The following SORCS2 variants were observed in gnomAD, a reference collection of about 807,000 sequenced individuals.
The protein encoded by SORCS2 is sortilin related VPS10 domain containing receptor 2.
Under a neutral mutation model 141.6 loss-of-function variants are expected in SORCS2, and 100 were observed. The observed-to-expected ratio is 0.71, with a 90% confidence interval of 0.60 to 0.83. The LOEUF (loss-of-function observed/expected upper bound fraction) is 0.83. Among genes scored for constraint, SORCS2 ranks in the 40% least tolerant of loss-of-function variants. The probability of loss-of-function intolerance (pLI) is 0.00; values close to 1 mark genes in which losing one functional copy is unlikely to be tolerated. For missense variants in SORCS2, 1,646 were observed against 1,560.2 expected (o/e 1.05, Z -0.93); for synonymous variants, 789 against 676.9 (o/e 1.17, Z -2.57).
At chr4:7,384,810 C>T (rs1398267936) in intron 1 of SORCS2, among the ~76,000 whole-genome samples, 3 of 152,198 alleles carry the variant, frequency 2.0e-5, no homozygotes, top group Admixed American at 6.5e-5. Context: ...ACAGCAGGCA[C>T]GGGCACGTAG....
intron 2 of SORCS2, among the ~76,000 whole-genome samples, chr4:7,398,158 C>T (rs568102304): frequency 3.3e-5 from 5 of 151,202 alleles, no homozygotes; most frequent in South Asian, 4.2e-4. Context: ...AGTCCTTGTG[C>T]GGTGGGGGTG....
rs1727122643 is a variant in SORCS2, at chr4:7,725,142, G to A, written c.2612-12G>A. The stretch of plus-strand genomic sequence containing the variant: ...GATATCATCTAACCCTGGCCTTTTT[G>A]GGTCCCCACAGCCCCCCTGCAGGCC... On this transcript the variant is annotated splice_polypyrimidine_tract_variant and intron_variant, in intron 19 of 26. Transcript: ENST00000507866. 1.2e-6 allele frequency: 2 copies of A among 1,609,828 alleles called. No individual in the cohort carries two copies. Among genetic ancestry groups the A allele is most frequent in the Non-Finnish European group, 1.7e-6 (2 of 1,178,206 alleles).
intron 18 of SORCS2, among the ~76,000 whole-genome samples, chr4:7,719,832 G>T (rs1288267934): frequency 6.6e-6 from 1 of 152,220 alleles, no homozygotes; most frequent in Non-Finnish European, 1.5e-5. Context: ...ACCGCCCAGG[G>T]GGCCGGGACC....
chr4:7,450,840 ATGAG>A (rs1481972765), intron 2 of SORCS2, among the ~76,000 whole-genome samples: 1 of 152,118 alleles, frequency 6.6e-6, no homozygotes, highest in Non-Finnish European at 1.5e-5. Flanking sequence ...GAGTGAGTGA[ATGAG>A]TGAATGGATG....
At chr4:7,454,654 G>A (rs1392409066) in intron 2 of SORCS2, among the ~76,000 whole-genome samples, 1 of 128,676 alleles carries the variant, frequency 7.8e-6, no homozygotes, top group African/African-American at 3.0e-5. Context: ...CAGGCACTGT[G>A]TTGGGGTCAG....
intron 2 of SORCS2, among the ~76,000 whole-genome samples, chr4:7,526,226 C>T (rs182427301): frequency 4.6e-5 from 7 of 152,382 alleles, no homozygotes; most frequent in South Asian, 4.1e-4. Flanking sequence ...TGCAGAGCCC[C>T]ACACCTTCAG....
chr4:7,505,816 T>C (rs558048834), intron 2 of SORCS2, among the ~76,000 whole-genome samples: 2 of 152,290 alleles, frequency 1.3e-5, no homozygotes, highest in South Asian at 2.1e-4. Flanking sequence ...AGTTTTCCCG[T>C]AGGACGAATG....
chr4:7,309,704 G>C (rs1236279462), intron 1 of SORCS2, among the ~76,000 whole-genome samples: 1 of 152,194 alleles, frequency 6.6e-6, no homozygotes, highest in African/African-American at 2.4e-5. Context: ...TTTCCTCGAG[G>C]CTCTGGGCTA....
intron 1 of SORCS2, among the ~76,000 whole-genome samples, chr4:7,390,068 G>A (rs149939888): frequency 2.6e-5 from 4 of 152,280 alleles, no homozygotes; most frequent in Non-Finnish European, 5.9e-5. Context: ...CACTGTGAGG[G>A]GGAGGCCCAC....
At chr4:7,700,800 C>T (rs1301671094) in intron 12 of SORCS2, among the ~76,000 whole-genome samples, 3 of 152,190 alleles carry the variant, frequency 2.0e-5, no homozygotes, top group Non-Finnish European at 4.4e-5. Flanking sequence ...AATCCCCACT[C>T]CAGCCTGCGA....
At position 7,289,432 on chromosome 4, in the gene SORCS2, G is replaced by C. The variant is rs973709227; in HGVS notation, c.480+96306G>C. Among the ~76,000 whole-genome samples the C allele has an allele frequency of 4.6e-5, 7 of 152,216 alleles. No homozygotes were observed. In the South Asian group the frequency reaches 1.0e-3, roughly 23 times the overall value. ...CGGCTGTCATCCCCATTGTTTTGCAGAGCCTGCCACCCTGCCTAGCACTGA... is the reference window on the plus strand; with the variant it reads ...CGGCTGTCATCCCCATTGTTTTGCACAGCCTGCCACCCTGCCTAGCACTGA... On this transcript the variant is annotated intron_variant, in intron 1 of 26. Coordinates refer to ENST00000507866, the MANE Select transcript of SORCS2 (RefSeq NM_020777.3).
chr4:7,605,501 C>G (rs1327432432), intron 3 of SORCS2, among the ~76,000 whole-genome samples: 1 of 152,136 alleles, frequency 6.6e-6, no homozygotes, highest in Non-Finnish European at 1.5e-5. Flanking sequence ...GGATTTCTGC[C>G]TCCACTTGGG....
intron 2 of SORCS2, among the ~76,000 whole-genome samples, chr4:7,474,461 A>G (rs527719393): frequency 6.6e-6 from 1 of 152,344 alleles, no homozygotes; most frequent in South Asian, 2.1e-4. Flanking sequence ...TACCAGGTGA[A>G]GACTCTGGGC....
intron 2 of SORCS2, among the ~76,000 whole-genome samples, chr4:7,482,059 G>T (rs1730676744): frequency 1.5e-5 from 1 of 65,342 alleles, no homozygotes; most frequent in Non-Finnish European, 3.0e-5. Context: ...GTTCAGACCT[G>T]TATCCCCACC....
intron 2 of SORCS2, among the ~76,000 whole-genome samples, chr4:7,455,982 C>T (rs1728890681): frequency 6.6e-6 from 1 of 152,168 alleles, no homozygotes; most frequent in African/African-American, 2.4e-5. Flanking sequence ...CCTTTTCTCA[C>T]AGTTCTGGAG....
At chr4:7,704,432 G>A (rs990532576) in intron 14 of SORCS2, 148 bp downstream of exon 14, 6 of 707,488 alleles carry the variant, frequency 8.5e-6, no homozygotes, top group Non-Finnish European at 1.2e-5. Context: ...GTGAGGACAG[G>A]ACCGAGGCTC....
chr4:7,448,746 C>G (rs1476516574), intron 2 of SORCS2, among the ~76,000 whole-genome samples: 4 of 116,420 alleles, frequency 3.4e-5, no homozygotes, highest in Non-Finnish European at 7.3e-5. Context: ...TACTTCCTCT[C>G]CCCTCCCTCC....
intron 3 of SORCS2, among the ~76,000 whole-genome samples, chr4:7,602,240 G>T (rs967255310): frequency 6.7e-6 from 1 of 149,350 alleles, no homozygotes; most frequent in African/African-American, 2.4e-5. Flanking sequence ...CCCAGACGGG[G>T]TGGCCAGGCA....
At chr4:7,449,510 C>T (rs907466946) in intron 2 of SORCS2, among the ~76,000 whole-genome samples, 1 of 150,354 alleles carries the variant, frequency 6.7e-6, no homozygotes, top group Non-Finnish European at 1.5e-5. Flanking sequence ...TGCCTCTGGT[C>T]TCCCTGCCTG....
Sources: gnomAD v4.1 joint callset for allele counts (sites outside exome capture counted in the v4.1 genomes callset) on GRCh38, gnomAD v4.1.1 for gene constraint, MANE v1.5 for transcripts, NCBI Gene and HGNC (gene_info 2026-07-23, HGNC 2026-07-21) for gene names.